The following DNAI3 variants were observed in gnomAD, a reference collection of about 807,000 sequenced individuals.
DNAI3 encodes WD repeat domain 63.
Under a neutral mutation model 115.5 loss-of-function variants are expected in DNAI3, and 83 were observed. The ratio of observed to expected loss-of-function variants is 0.72; its 90% CI spans 0.60 to 0.86. The LOEUF is 0.86. Ranked by LOEUF, DNAI3 falls within the 40% of genes least tolerant of loss-of-function variation. DNAI3 has a pLI of 0.00. For missense variants in DNAI3, 1,004 were observed against 1,075.8 expected (o/e 0.93, Z 0.93); for synonymous variants, 320 against 347.0 (o/e 0.92, Z 0.86).
chr1:85,073,156 G>T, intron 3 of DNAI3, 64 bp downstream of exon 3: 2 of 1,226,672 alleles, frequency 1.6e-6, no homozygotes, highest in South Asian at 3.5e-5. Flanking sequence ...AATGCAATAA[G>T]CAAGCAGGAA....
chr1:85,095,588 T>TC (rs1655098800), intron 10 of DNAI3, among the ~76,000 whole-genome samples: 1 of 152,188 alleles, frequency 6.6e-6, no homozygotes, highest in East Asian at 1.9e-4. Flanking sequence ...TCACAGAGCT[T>TC]CCCTTCCATG....
At chr1:85,083,318 C>T (rs1486531580) in intron 5 of DNAI3, among the ~76,000 whole-genome samples, 1 of 151,966 alleles carries the variant, frequency 6.6e-6, no homozygotes, top group Non-Finnish European at 1.5e-5. Flanking sequence ...AAGACCCTGC[C>T]ACCGCAAAAA....
At chr1:85,120,190 T>C (rs140266197) in intron 17 of DNAI3, among the ~76,000 whole-genome samples, 45 of 152,300 alleles carry the variant, frequency 3.0e-4, no homozygotes, top group African/African-American at 1.1e-3. Context: ...TGGCAGTCCA[T>C]TGGAAGGTTC....
chr1:85,118,002 A>C (rs1228269280), intron 17 of DNAI3, 143 bp downstream of exon 17: 20 of 1,029,964 alleles, frequency 1.9e-5, no homozygotes, highest in Non-Finnish European at 2.7e-5. Flanking sequence ...TGCATTAAAC[A>C]TTTTTAACTC....
Position 85,131,368 on chromosome 1 carries a change from T to C in DNAI3, c.2532+1256T>C, listed in dbSNP as rs932157293. Among the ~76,000 whole-genome samples the C allele has an allele frequency of 5.7e-5, 8 of 140,864 alleles. No homozygotes were observed. The Admixed American group carries it at 6.4e-4, about 11-fold the overall frequency. 92.4% of individuals were successfully genotyped at this position (140,864 alleles called of 152,430 possible). A position where few individuals can be genotyped will look rare whatever the true frequency, so the allele number is the denominator to read the frequency against. On this transcript the variant is annotated intron_variant, in intron 22 of 22. Transcript: ENST00000294664. The stretch of plus-strand genomic sequence containing the variant: ...CTGAGGCAGGAGAATCACTTGAACC[T>C]GGGAGGCGGAGGTTATGGTGAGCCG...
intron 13 of DNAI3, among the ~76,000 whole-genome samples, chr1:85,100,029 A>C (rs920517872): frequency 2.5e-4 from 38 of 152,140 alleles, no homozygotes; most frequent in African/African-American, 8.9e-4. Context: ...CTAGAAGAAA[A>C]CCTAGGCAAT....
rs1257217487 is a variant in DNAI3, at chr1:85,063,966, A to G, written c.-15+1480A>G. Among the ~76,000 whole-genome samples the G allele has an allele frequency of 3.9e-5, 6 of 152,342 alleles. No individual in the cohort carries two copies. In the East Asian group the frequency reaches 7.7e-4, roughly 20 times the overall value. On this transcript the variant is annotated intron_variant, in intron 1 of 22. Coordinates refer to ENST00000294664, the MANE Select transcript of DNAI3 (RefSeq NM_145172.5). ...TTAGTAACTCTTTTCATATTACATT[A>G]AAGAGATTGTAAATATATTATTTAT...
intron 14 of DNAI3, among the ~76,000 whole-genome samples, chr1:85,105,528 C>CAAAAAAAAAAAAAAAAAA (rs755945527): frequency 1.9e-5 from 1 of 51,710 alleles, no homozygotes; most frequent in African/African-American, 9.3e-5. Context: ...AACTCTGTCT[C>CAAAAAAAAAAAAAAAAAA]AAAAAAAAAA....
chr1:85,108,261 T>G, intron 15 of DNAI3, 84 bp downstream of exon 15: 1 of 1,344,630 alleles, frequency 7.4e-7, no homozygotes, highest in Non-Finnish European at 9.7e-7. Context: ...ATACACACAC[T>G]CTCTAAAAGT....
At chr1:85,126,761 G>T (rs752905933) in intron 20 of DNAI3, 46 bp downstream of exon 20, 1 of 1,604,302 alleles carries the variant, frequency 6.2e-7, no homozygotes, top group Admixed American at 1.7e-5. Context: ...TGGGTAACTC[G>T]GGAACATCTT....
chr1:85,129,001 G>A (rs375476135), intron 21 of DNAI3, among the ~76,000 whole-genome samples: 1 of 152,196 alleles, frequency 6.6e-6, no homozygotes, highest in African/African-American at 2.4e-5. Flanking sequence ...ACATGGGAGG[G>A]AAACCAAGTC....
At chr1:85,112,043 TA>T (rs1279271966) in intron 16 of DNAI3, among the ~76,000 whole-genome samples, 1 of 147,524 alleles carries the variant, frequency 6.8e-6, no homozygotes, top group Non-Finnish European at 1.5e-5. Flanking sequence ...ATGTAAATCA[TA>T]CAGTATATAC....
chr1:85,107,674 G>T (rs1351892572), intron 14 of DNAI3, among the ~76,000 whole-genome samples: 2 of 152,278 alleles, frequency 1.3e-5, no homozygotes, highest in East Asian at 3.9e-4. Context: ...AAAATTGATT[G>T]TGGTGATGGC....
intron 9 of DNAI3, 131 bp from the exon 10 acceptor site, chr1:85,094,300 C>T: frequency 9.6e-6 from 12 of 1,252,744 alleles, no homozygotes; most frequent in Non-Finnish European, 1.2e-5. Flanking sequence ...GCCAGCAGAG[C>T]TCTAAGAAAA....
chr1:85,095,874 C>T lies in DNAI3; in HGVS notation c.1174-57C>T, dbSNP rs576843353. 4.4e-5 allele frequency: 66 copies of T among 1,492,428 alleles called. No individual in the cohort carries two copies. In the East Asian group the frequency reaches 9.0e-4, roughly 20 times the overall value. 92.4% of individuals were successfully genotyped at this position (1,492,428 alleles called of 1,614,324 possible). A position where few individuals can be genotyped will look rare whatever the true frequency, so the allele number is the denominator to read the frequency against. ...TTTAACTGTCTTAATATTATTTTCT[C>T]GCCATGATCTTAATCTCTTTTCTCA... On this transcript the variant is annotated intron_variant, in intron 10 of 22. Coordinates refer to ENST00000294664, the MANE Select transcript of DNAI3 (RefSeq NM_145172.5).
chr1:85,062,674 G>C (rs916749101), intron 1 of DNAI3, among the ~76,000 whole-genome samples, 188 bp downstream of exon 1: 1 of 152,184 alleles, frequency 6.6e-6, no homozygotes, highest in Non-Finnish European at 1.5e-5. Context: ...AAATAGCAAC[G>C]AGAGAGCAGT....
chr1:85,105,528 C>CAAAAAAAAAAAAAAAAA (rs755945527), intron 14 of DNAI3, among the ~76,000 whole-genome samples: 1 of 51,718 alleles, frequency 1.9e-5, no homozygotes, highest in Non-Finnish European at 3.6e-5. Flanking sequence ...AACTCTGTCT[C>CAAAAAAAAAAAAAAAAA]AAAAAAAAAA....
intron 18 of DNAI3, 33 bp downstream of exon 18, chr1:85,121,847 A>C (rs41289043): frequency 9.9e-6 from 16 of 1,608,874 alleles, no homozygotes. Flanking sequence ...TATTAATAAG[A>C]TGTTCCTTTT....
chr1:85,065,171 G>A (rs533146700), intron 1 of DNAI3, among the ~76,000 whole-genome samples: 16 of 151,912 alleles, frequency 1.1e-4, no homozygotes, highest in South Asian at 2.1e-4. Flanking sequence ...TAAGACTTTC[G>A]TAAGGAAGAA....
Sources: allele counts gnomAD v4.1 joint callset (sites outside exome capture counted in the v4.1 genomes callset), GRCh38; gene constraint gnomAD v4.1.1; transcripts MANE v1.5; gene names NCBI Gene and HGNC (gene_info 2026-07-23, HGNC 2026-07-21).